Variants in ZNF804B observed in about 807,000 individuals in gnomAD.
ZNF804B encodes zinc finger protein 804B.
Under a neutral mutation model 101.4 loss-of-function variants are expected in ZNF804B, and 80 were observed. The observed-to-expected ratio is 0.79, with a 90% CI of 0.66 to 0.95. The LOEUF is 0.95. Among genes scored for constraint, ZNF804B ranks in the 40% least tolerant of loss-of-function variants. ZNF804B has a pLI of 0.00. For synonymous variants in ZNF804B, 622 were observed against 558.8 expected, an observed-to-expected ratio of 1.11 and a Z score of -1.59; for missense variants, 1,673 against 1,561.9, an observed-to-expected ratio of 1.07 and a Z score of -1.20.
At position 89,100,617 on chromosome 7, in the gene ZNF804B, G is replaced by GA. The variant is rs1278117700; in HGVS notation, c.109-117532dup. ...ATAAGGTGTTCAAACTACTCAATAG[G>GA]AAAAAATCTAATAATCTGATTAAAT... On this transcript the variant is annotated intron_variant, in intron 1 of 3. Coordinates refer to ENST00000333190, the MANE Select transcript of ZNF804B (RefSeq NM_181646.5). Among the ~76,000 whole-genome samples, 4 of 151,752 alleles carry GA rather than the reference G, an allele frequency of 2.6e-5. No homozygotes were observed. The South Asian group carries it at 6.2e-4, about 24-fold the overall frequency.
intron 1 of ZNF804B, among the ~76,000 whole-genome samples, chr7:89,000,474 AC>A (rs1371812202): frequency 6.6e-6 from 1 of 151,980 alleles, no homozygotes; most frequent in East Asian, 1.9e-4. Context: ...GTCAAATAAA[AC>A]CAAATGATTG....
intron 2 of ZNF804B, among the ~76,000 whole-genome samples, chr7:89,240,846 C>A (rs1188089931): frequency 1.3e-5 from 2 of 152,024 alleles, no homozygotes; most frequent in African/African-American, 4.8e-5. Flanking sequence ...AGAAGATAGG[C>A]CTTCATTATT....
chr7:89,209,959 G>T (rs1387836558), intron 1 of ZNF804B, among the ~76,000 whole-genome samples: 1 of 151,968 alleles, frequency 6.6e-6, no homozygotes, highest in Non-Finnish European at 1.5e-5. Context: ...GAACAGCCTG[G>T]TCAACATGGT....
intron 2 of ZNF804B, among the ~76,000 whole-genome samples, chr7:89,303,658 T>C (rs1242116230): frequency 6.6e-6 from 1 of 151,912 alleles, no homozygotes; most frequent in Non-Finnish European, 1.5e-5. Context: ...AAGCAAAAGT[T>C]TTGGCATTAT....
chr7:89,049,974 T>C (rs972348518), intron 1 of ZNF804B, among the ~76,000 whole-genome samples: 20 of 152,160 alleles, frequency 1.3e-4, no homozygotes, highest in Admixed American at 1.2e-3. Context: ...ATCATGCCAC[T>C]GCACTCCAGA....
Position 88,887,853 on chromosome 7 carries a change from G to A in ZNF804B, c.108+127769G>A, listed in dbSNP as rs537627830. On this transcript the variant is annotated intron_variant, in intron 1 of 3. Coordinates refer to ENST00000333190, the MANE Select transcript of ZNF804B (RefSeq NM_181646.5). ...CCAGTCTCCACAAACACACACAGATGTGGCTTTGATATTAAGTTTTACATT... is the reference window on the plus strand; with the variant it reads ...CCAGTCTCCACAAACACACACAGATATGGCTTTGATATTAAGTTTTACATT... Among the ~76,000 whole-genome samples the A allele has an allele frequency of 6.0e-4, 91 of 151,812 alleles. 1 individual carries two copies. Among genetic ancestry groups the A allele is most frequent in the African/African-American group, 1.7e-3 (72 of 41,346 alleles).
intron 1 of ZNF804B, among the ~76,000 whole-genome samples, chr7:88,870,103 T>G (rs1259053557): frequency 6.6e-6 from 1 of 152,058 alleles, no homozygotes; most frequent in Non-Finnish European, 1.5e-5. Context: ...GGTGGGTGAT[T>G]GGGCCGGGCG....
chr7:89,300,062 T>C (rs924223929), intron 2 of ZNF804B, among the ~76,000 whole-genome samples: 3 of 151,554 alleles, frequency 2.0e-5, no homozygotes, highest in Non-Finnish European at 2.9e-5. Context: ...TCCTGCTTGA[T>C]TATTTCTTTG....
intron 1 of ZNF804B, among the ~76,000 whole-genome samples, chr7:88,831,031 T>A (rs1182886604): frequency 6.6e-6 from 1 of 151,954 alleles, no homozygotes; most frequent in East Asian, 1.9e-4. Flanking sequence ...TTAAAAAATT[T>A]TTTTGAAAAG....
chr7:89,212,425 A>G (rs535485478), intron 1 of ZNF804B, among the ~76,000 whole-genome samples: 5 of 152,166 alleles, frequency 3.3e-5, no homozygotes, highest in Non-Finnish European at 7.4e-5. Flanking sequence ...GTTTGATAAC[A>G]TGTATACCTC....
In ZNF804B at chr7:88,794,981, T is replaced by G. The variant is rs142365225; in HGVS notation, c.108+34897T>G. On this transcript the variant is annotated intron_variant, in intron 1 of 3. Transcript: ENST00000333190. The stretch of plus-strand genomic sequence containing the variant: ...TATTTTTCCAGATGATTCCAGCTTT[T>G]AGCTTATCATAATATTTATGCTGCC... 8 of 1,501,336 alleles carry G rather than the reference T, an allele frequency of 5.3e-6. No homozygotes were observed. The South Asian group carries it at 1.1e-4, about 21-fold the overall frequency. 93.0% of individuals were successfully genotyped at this position (1,501,336 alleles called of 1,614,324 possible). A position where few individuals can be genotyped will look rare whatever the true frequency, so the allele number is the denominator to read the frequency against.
intron 2 of ZNF804B, among the ~76,000 whole-genome samples, chr7:89,241,640 C>T (rs1789373148): frequency 6.6e-6 from 1 of 152,114 alleles, no homozygotes; most frequent in African/African-American, 2.4e-5. Context: ...TTTGCTCCCT[C>T]TATATCTCAA....
At chr7:89,104,249 G>C (rs1158994080) in intron 1 of ZNF804B, among the ~76,000 whole-genome samples, 1 of 151,976 alleles carries the variant, frequency 6.6e-6, no homozygotes, top group Admixed American at 6.6e-5. Context: ...TGGATTCATA[G>C]AATGAGTTAG....
intron 1 of ZNF804B, among the ~76,000 whole-genome samples, chr7:88,991,793 C>A (rs565076405): frequency 6.6e-6 from 1 of 152,246 alleles, no homozygotes; most frequent in South Asian, 2.1e-4. Flanking sequence ...AGCTACATGC[C>A]AGAGCCTTGT....
chr7:88,856,801 G>T (rs572279191), intron 1 of ZNF804B, among the ~76,000 whole-genome samples: 161 of 152,266 alleles, frequency 1.1e-3, no homozygotes, highest in Non-Finnish European at 1.7e-3. Context: ...AGTTTATTGA[G>T]AGTTTTTAGT....
At chr7:89,029,470 C>G (rs528562109) in intron 1 of ZNF804B, among the ~76,000 whole-genome samples, 1 of 152,136 alleles carries the variant, frequency 6.6e-6, no homozygotes, top group African/African-American at 2.4e-5. Flanking sequence ...GGAAAACATA[C>G]ACACAGGCTT....
intron 1 of ZNF804B, among the ~76,000 whole-genome samples, chr7:89,101,123 G>A (rs948361235): frequency 6.6e-6 from 1 of 152,014 alleles, no homozygotes; most frequent in African/African-American, 2.4e-5. Context: ...ATCATTTAAT[G>A]TAGCAGTTTT....
intron 1 of ZNF804B, among the ~76,000 whole-genome samples, chr7:88,880,959 C>T (rs1019970351): frequency 6.6e-6 from 1 of 151,948 alleles, no homozygotes; most frequent in Non-Finnish European, 1.5e-5. Flanking sequence ...CAAATAAACA[C>T]TATTTAAGAT....
intron 1 of ZNF804B, among the ~76,000 whole-genome samples, chr7:89,081,074 C>T (rs1019909597): frequency 2.6e-5 from 4 of 151,654 alleles, no homozygotes; most frequent in African/African-American, 4.8e-5. Flanking sequence ...AAGAGTTAAC[C>T]GAGGGATGTT....
Sources: allele counts gnomAD v4.1 joint callset (sites outside exome capture counted in the v4.1 genomes callset), GRCh38; gene constraint gnomAD v4.1.1; transcripts MANE v1.5; gene names NCBI Gene and HGNC (gene_info 2026-07-23, HGNC 2026-07-21).